NFIB: variants seen among roughly 807,000 people sequenced by gnomAD.
The protein encoded by NFIB is nuclear factor I B.
A neutral mutation model predicts 61.5 loss-of-function variants in NFIB; 11 were observed. That is an observed-to-expected ratio of 0.18 (90% CI 0.11 to 0.30). The LOEUF (loss-of-function observed/expected upper bound fraction) is 0.30. NFIB is among the 10% of genes least tolerant of loss of function. NFIB has a pLI of 1.00. For missense variants in NFIB, 471 were observed against 608.9 expected, an observed-to-expected ratio of 0.77 and a Z score of 2.38; for synonymous variants, 260 against 216.5, an observed-to-expected ratio of 1.20 and a Z score of -1.76.
chr9:14,514,329 C>T, the NFIB span, among the ~76,000 whole-genome samples: 16 of 150,816 alleles, frequency 1.1e-4, no homozygotes, highest in South Asian at 3.1e-3. Flanking sequence ...TACATACATA[C>T]ACACACACAC....
chr9:14,353,239 T>C (rs1588355452), intron 1 of NFIB, among the ~76,000 whole-genome samples: 1 of 152,044 alleles, frequency 6.6e-6, no homozygotes, highest in East Asian at 1.9e-4. Context: ...CCCAGACATG[T>C]TATTTAATTT....
At chr9:14,434,474 G>T in the NFIB span, among the ~76,000 whole-genome samples, 2 of 152,128 alleles carry the variant, frequency 1.3e-5, no homozygotes, top group African/African-American at 4.8e-5. Flanking sequence ...AATATAGCAA[G>T]AACAAAATGG....
chr9:14,085,199 A>G lies in NFIB; in HGVS notation c.*3110T>C, dbSNP rs2032660109. On this transcript the variant is annotated 3_prime_UTR_variant, in exon 11 of 11. Transcript: ENST00000380953. ...ATGGGCTAATCAAATACAATTCTCC[A>G]GCCCATAAGCATTGTTCTAAAGTAT... 4.4e-6 allele frequency: 1 copy of G among 228,778 alleles called. No homozygotes were observed. The highest frequency in any genetic ancestry group is 8.7e-6 in the Non-Finnish European group (1 of 115,344). The allele number at this position is 228,778 out of a possible 1,614,324, so 14.2% of individuals were successfully genotyped here. A position where few individuals can be genotyped will look rare whatever the true frequency, so the allele number is the denominator to read the frequency against.
At position 14,216,015 on chromosome 9, in the gene NFIB, T is replaced by C. The variant is rs376760590; in HGVS notation, c.563-36235A>G. On this transcript the variant is annotated intron_variant, in intron 2 of 10. Transcript: ENST00000380953. Reference sequence around the variant, plus strand: ...ATAGGAGGTATCATCATCATCACTCTTGGTAATGACGATAAAGCTGGTATA... The same window carrying C: ...ATAGGAGGTATCATCATCATCACTCCTGGTAATGACGATAAAGCTGGTATA... 2.6e-5 allele frequency among the ~76,000 whole-genome samples: 4 copies of C among 152,338 alleles called. No homozygotes were observed. In the East Asian group the frequency reaches 5.8e-4, roughly 22 times the overall value.
At position 14,141,744 on chromosome 9, in the gene NFIB, T is replaced by C. The variant is rs191441417; in HGVS notation, c.925+4945A>G. ...ATAAAGTCTTTTTGAATTTATATTT[T>C]ATCTAAGATTACAGGTTGTTTAAAT... On this transcript the variant is annotated intron_variant, in intron 6 of 10. Coordinates refer to ENST00000380953, the MANE Select transcript of NFIB (RefSeq NM_001190737.2). 7.6e-4 allele frequency among the ~76,000 whole-genome samples: 115 copies of C among 152,128 alleles called. No individual in the cohort carries two copies. In the Middle Eastern group the frequency reaches 0.017, roughly 22 times the overall value.
intron 2 of NFIB, among the ~76,000 whole-genome samples, chr9:14,288,073 T>A (rs1203684764): frequency 6.6e-6 from 1 of 152,138 alleles, no homozygotes; most frequent in Admixed American, 6.5e-5. Context: ...ATTTGCAGAA[T>A]ATTTTGCTTT....
At chr9:14,464,203 G>A in the NFIB span, among the ~76,000 whole-genome samples, 5 of 152,130 alleles carry the variant, frequency 3.3e-5, no homozygotes, top group Admixed American at 6.5e-5. Context: ...AATGCCTTAC[G>A]TTTATGAAAA....
At chr9:14,466,192 A>G in the NFIB span, among the ~76,000 whole-genome samples, 1 of 152,188 alleles carries the variant, frequency 6.6e-6, no homozygotes, top group Non-Finnish European at 1.5e-5. Context: ...CCTGTCTGGG[A>G]TGGTGCAAGC....
chr9:14,212,849 C>T (rs1018551219), intron 2 of NFIB, among the ~76,000 whole-genome samples: 3 of 152,284 alleles, frequency 2.0e-5, no homozygotes, highest in East Asian at 3.9e-4. Context: ...ATCCCCATTT[C>T]ATAGATAAGG....
At chr9:14,172,807 C>A (rs2045717538) in intron 3 of NFIB, among the ~76,000 whole-genome samples, 1 of 151,698 alleles carries the variant, frequency 6.6e-6, no homozygotes, top group African/African-American at 2.4e-5. Flanking sequence ...TCTCACTCTG[C>A]CACCCAGGCT....
intron 2 of NFIB, among the ~76,000 whole-genome samples, chr9:14,297,067 C>T (rs921481382): frequency 6.6e-6 from 1 of 152,234 alleles, no homozygotes; most frequent in Non-Finnish European, 1.5e-5. Flanking sequence ...TTGGATAACA[C>T]ACAAGTTGGA....
intron 2 of NFIB, among the ~76,000 whole-genome samples, chr9:14,278,547 A>T (rs2058161050): frequency 6.6e-6 from 1 of 152,206 alleles, no homozygotes; most frequent in Non-Finnish European, 1.5e-5. Context: ...CTGAGGAAAG[A>T]AAAGAGGCGA....
chr9:14,256,367 A>G (rs1011400800), intron 2 of NFIB, among the ~76,000 whole-genome samples: 2 of 152,210 alleles, frequency 1.3e-5, no homozygotes, highest in Non-Finnish European at 2.9e-5. Flanking sequence ...TTAGAAATAA[A>G]TAATTTTCCA....
chr9:14,082,285 T>C lies in NFIB; in HGVS notation c.*6024A>G. 1 of 205,426 alleles carries C rather than the reference T, an allele frequency of 4.9e-6. No individual in the cohort carries two copies. The highest frequency in any genetic ancestry group is 1.0e-5 in the Non-Finnish European group (1 of 100,018). 12.7% of individuals were successfully genotyped at this position (205,426 alleles called of 1,614,324 possible). On this transcript the variant is annotated 3_prime_UTR_variant, in exon 11 of 11. Transcript: ENST00000380953. ...GGACAAAATGCCAAAAGTTTTAAAA[T>C]GGATCAACCCTGGTGTGTAGCTAGC...
intron 1 of NFIB, among the ~76,000 whole-genome samples, chr9:14,388,724 G>A (rs1183229286): frequency 6.6e-6 from 1 of 152,152 alleles, no homozygotes; most frequent in African/African-American, 2.4e-5. Context: ...AGTGGATGAG[G>A]AAGTCTAAGG....
At chr9:14,207,517 G>A (rs1253129810) in intron 2 of NFIB, among the ~76,000 whole-genome samples, 2 of 152,224 alleles carry the variant, frequency 1.3e-5, no homozygotes, top group African/African-American at 4.8e-5. Context: ...TGAGGACTAA[G>A]TCAGTGCATG....
upstream of NFIB, among the ~76,000 whole-genome samples, chr9:14,316,741 C>G (rs1436553155): frequency 6.6e-6 from 1 of 152,048 alleles, no homozygotes; most frequent in Non-Finnish European, 1.5e-5. Context: ...GCACATTACA[C>G]TGCATCCCCT....
At chr9:14,459,716 T>C in the NFIB span, among the ~76,000 whole-genome samples, 441 of 151,798 alleles carry the variant, frequency 2.9e-3, 4 homozygotes, top group African/African-American at 8.8e-3. Context: ...AGGATATGAA[T>C]GGACACTTCT....
chr9:14,257,169 C>G (rs766552456), intron 2 of NFIB, among the ~76,000 whole-genome samples: 1 of 152,178 alleles, frequency 6.6e-6, no homozygotes, highest in Non-Finnish European at 1.5e-5. Context: ...CACAGAGGCT[C>G]AGGTTCCTCA....
Sources: allele counts gnomAD v4.1 joint callset (sites outside exome capture counted in the v4.1 genomes callset), GRCh38; gene constraint gnomAD v4.1.1; transcripts MANE v1.5; gene names NCBI Gene and HGNC (gene_info 2026-07-23, HGNC 2026-07-21).